Variants in CDC16 observed in about 807,000 individuals in gnomAD.
CDC16 encodes cell division cycle protein 16 homolog.
CDC16 carries 34 observed loss-of-function variants against 87.0 expected under a neutral mutation model. The observed-to-expected ratio is 0.39, with a 90% CI of 0.30 to 0.52. CDC16 has a LOEUF of 0.52. Ranked by LOEUF, CDC16 falls within the 20% of genes least tolerant of loss-of-function variation. CDC16 has a pLI of 0.74. For missense variants in CDC16, 653 were observed against 751.9 expected (o/e 0.87, Z 1.54); for synonymous variants, 263 against 260.6 (o/e 1.01, Z -0.09).
chr13:114,263,738 A>G (rs779899893), intron 16 of CDC16, among the ~76,000 whole-genome samples: 1 of 150,914 alleles, frequency 6.6e-6, no homozygotes, highest in Non-Finnish European at 1.5e-5. Context: ...CTGCTTTCCA[A>G]CTCTCTCTCT....
intron 5 of CDC16, 77 bp downstream of exon 5, chr13:114,239,567 C>T (rs2081441318): frequency 7.2e-7 from 1 of 1,380,466 alleles, no homozygotes; most frequent in Non-Finnish European, 9.4e-7. Flanking sequence ...ACATTATCTT[C>T]TTTTACTTAT....
chr13:114,239,521 C>CGGCGGCGAGAATTGCCCTCATT (rs2081436593), intron 5 of CDC16, 31 bp downstream of exon 5: 9 of 1,499,768 alleles, frequency 6.0e-6, no homozygotes, highest in African/African-American at 1.4e-5. Context: ...AGCTCAGTAA[C>CGGCGGCGAGAATTGCCCTCATT]GGCGGCGAGA....
At position 114,259,384 on chromosome 13, in the gene CDC16, G is replaced by A. The variant is rs1391055584; in HGVS notation, c.1300G>A (p.Ala434Thr). 1 of 1,568,646 alleles carries A rather than the reference G, an allele frequency of 6.4e-7. No homozygotes were observed. The highest frequency in any genetic ancestry group is 8.6e-7 in the Non-Finnish European group (1 of 1,165,640). The change falls in exon 14 of 18, where the codon GCA (alanine) becomes ACA (threonine). Residue 434 changes from alanine (A) to threonine (T), a missense_variant. Coordinates refer to ENST00000356221, the MANE Select transcript of CDC16 (RefSeq NM_001078645.3). Reference sequence around the variant, plus strand: ...TCTTGATGCTTTGGAAAAAATTAAAGCAATTGGGAACGAGGTATTCTTTGT... The same window carrying A: ...TCTTGATGCTTTGGAAAAAATTAAAACAATTGGGAACGAGGTATTCTTTGT... ...WFLDALEKIKAIGNEVTVDKW... is the reference protein window; with the variant it reads ...WFLDALEKIKTIGNEVTVDKW...
At chr13:114,271,702 C>T (rs562713503) in intron 17 of CDC16, among the ~76,000 whole-genome samples, 5 of 152,024 alleles carry the variant, frequency 3.3e-5, no homozygotes, top group South Asian at 4.1e-4. Flanking sequence ...AGGATGGTCT[C>T]GATCTCCTGA....
At chr13:114,250,319 C>A (rs1167054358) in intron 11 of CDC16, among the ~76,000 whole-genome samples, 1 of 151,904 alleles carries the variant, frequency 6.6e-6, no homozygotes, top group African/African-American at 2.4e-5. Context: ...ATGGTGAAAC[C>A]CCATCTCTAC....
chr13:114,241,549 G>A (rs1254184576), intron 5 of CDC16, among the ~76,000 whole-genome samples: 1 of 152,210 alleles, frequency 6.6e-6, no homozygotes, highest in African/African-American at 2.4e-5. Flanking sequence ...GGACAAAACA[G>A]GTAATGAACC....
At chr13:114,252,581 C>T (rs71449092) in intron 12 of CDC16, among the ~76,000 whole-genome samples, 1,819 of 152,262 alleles carry the variant, frequency 0.012, 19 homozygotes, top group South Asian at 0.019. Flanking sequence ...TTCCAGTTCT[C>T]TTCTGAAGCT....
At chr13:114,236,458 C>T (rs182838368) in intron 1 of CDC16, among the ~76,000 whole-genome samples, 187 bp from the exon 2 acceptor site, 2 of 152,186 alleles carry the variant, frequency 1.3e-5, no homozygotes, top group African/African-American at 4.8e-5. Flanking sequence ...TGTATTGCGA[C>T]ACTGAACTAA....
At chr13:114,251,272 C>A (rs1035982978) in intron 12 of CDC16, among the ~76,000 whole-genome samples, 1 of 152,158 alleles carries the variant, frequency 6.6e-6, no homozygotes, top group Non-Finnish European at 1.5e-5. Context: ...TGGAGTCATA[C>A]CTCCTGGACT....
chr13:114,249,390 C>T (rs2082041039), intron 11 of CDC16, among the ~76,000 whole-genome samples: 1 of 151,912 alleles, frequency 6.6e-6, no homozygotes. Flanking sequence ...ACTCACCTGC[C>T]TGCCACTCAC....
At chr13:114,244,050 A>AT (rs1287095584) in intron 8 of CDC16, 61 bp downstream of exon 8, 1 of 1,175,846 alleles carries the variant, frequency 8.5e-7, no homozygotes, top group East Asian at 2.4e-5. Flanking sequence ...TACCTAGGTG[A>AT]TTCACGGACG....
intron 5 of CDC16, among the ~76,000 whole-genome samples, chr13:114,241,705 T>C (rs2081562561): frequency 6.6e-6 from 1 of 152,196 alleles, no homozygotes; most frequent in Admixed American, 6.5e-5. Context: ...CTAAATCCTT[T>C]TAAATGCAAT....
intron 12 of CDC16, among the ~76,000 whole-genome samples, chr13:114,252,884 AG>A (rs2139021305): frequency 6.6e-6 from 1 of 152,298 alleles, no homozygotes; most frequent in South Asian, 2.1e-4. Context: ...CTGTAATCCC[AG>A]CACTTTGGGA....
intron 5 of CDC16, among the ~76,000 whole-genome samples, chr13:114,241,395 A>T (rs1294020957): frequency 2.6e-5 from 4 of 152,188 alleles, no homozygotes. Flanking sequence ...CATTGTGCTG[A>T]CTGCTGTGAC....
chr13:114,263,738 ACTCT>A (rs150164182), intron 16 of CDC16, among the ~76,000 whole-genome samples: 5 of 150,914 alleles, frequency 3.3e-5, no homozygotes, highest in African/African-American at 1.2e-4. Flanking sequence ...CTGCTTTCCA[ACTCT>A]CTCTCTCTCT....
At chr13:114,245,095 A>G (rs2081786943) in intron 9 of CDC16, 126 bp downstream of exon 9, 7 of 539,796 alleles carry the variant, frequency 1.3e-5, no homozygotes, top group South Asian at 8.1e-5. Context: ...GAACCCTACT[A>G]TAAAAGTAAC....
chr13:114,238,392 C>A (rs570343208), intron 3 of CDC16, among the ~76,000 whole-genome samples: 2 of 148,648 alleles, frequency 1.3e-5, no homozygotes, highest in East Asian at 4.0e-4. Context: ...TGAAGTGGAG[C>A]TGCTGCGAGC....
chr13:114,249,113 T>C (rs2082023321), intron 11 of CDC16, among the ~76,000 whole-genome samples: 1 of 151,806 alleles, frequency 6.6e-6, no homozygotes, highest in Non-Finnish European at 1.5e-5. Flanking sequence ...CCTGAGCTTG[T>C]TTTCCTGCAA....
intron 16 of CDC16, among the ~76,000 whole-genome samples, chr13:114,263,220 T>C (rs1347876471): frequency 6.6e-6 from 1 of 152,228 alleles, no homozygotes; most frequent in Admixed American, 6.5e-5. Flanking sequence ...CTGTCCTTAG[T>C]GTTTGCAGTG....
Sources: gnomAD v4.1 joint callset for allele counts (sites outside exome capture counted in the v4.1 genomes callset) on GRCh38, gnomAD v4.1.1 for gene constraint, MANE v1.5 for transcripts, NCBI Gene and HGNC (gene_info 2026-07-23, HGNC 2026-07-21) for gene names.